The following SPATA17 variants were observed in gnomAD, a reference collection of about 807,000 sequenced individuals.
SPATA17 encodes the protein spermatogenesis associated 17.
Under a neutral mutation model 62.2 loss-of-function variants are expected in SPATA17, and 53 were observed. The observed-to-expected ratio is 0.85, with a 90% CI of 0.68 to 1.07. The LOEUF is 1.07. Ranked by LOEUF, SPATA17 falls within the 50% of genes least tolerant of loss-of-function variation. The probability of loss-of-function intolerance (pLI) is 0.00; values close to 1 mark genes in which losing one functional copy is unlikely to be tolerated. For synonymous variants in SPATA17, 146 were observed against 146.8 expected (o/e 0.99, Z 0.04); for missense variants, 466 against 425.5 (o/e 1.10, Z -0.84).
chr1:217,757,055 T>C (rs915198968), intron 6 of SPATA17, among the ~76,000 whole-genome samples: 11 of 152,150 alleles, frequency 7.2e-5, no homozygotes, highest in African/African-American at 2.7e-4. Flanking sequence ...GGAAGATTCA[T>C]TTACTGGTAT....
chr1:217,714,562 G>C (rs958800614), intron 5 of SPATA17, among the ~76,000 whole-genome samples: 1 of 142,426 alleles, frequency 7.0e-6, no homozygotes, highest in African/African-American at 2.7e-5. Flanking sequence ...TTGGCTCACT[G>C]CAAGCTCCGC....
chr1:217,665,509 A>G (rs976428891), intron 3 of SPATA17: 1 of 152,236 alleles, frequency 6.6e-6, no homozygotes, highest in African/African-American at 2.4e-5. Flanking sequence ...AGAAGACTTG[A>G]CAAAGCCCAG....
chr1:217,705,563 C>A (rs1386109472), intron 5 of SPATA17, among the ~76,000 whole-genome samples: 1 of 149,314 alleles, frequency 6.7e-6, no homozygotes, highest in Non-Finnish European at 1.5e-5. Flanking sequence ...GCCTCAGCCT[C>A]CCAAGTAGCT....
chr1:217,681,055 C>T (rs544727646), intron 4 of SPATA17, among the ~76,000 whole-genome samples: 245 of 151,488 alleles, frequency 1.6e-3, no homozygotes, highest in African/African-American at 5.2e-3. Flanking sequence ...GGTGAAACCC[C>T]GTTTCTACTA....
At chr1:217,713,222 C>A (rs530699198) in intron 5 of SPATA17, among the ~76,000 whole-genome samples, 38 of 151,760 alleles carry the variant, frequency 2.5e-4, no homozygotes, top group African/African-American at 8.9e-4. Context: ...AAGTTTTATT[C>A]CAGTGTGTGT....
At chr1:217,804,637 A>T (rs182324337) in intron 9 of SPATA17, among the ~76,000 whole-genome samples, 1 of 152,338 alleles carries the variant, frequency 6.6e-6, no homozygotes, top group African/African-American at 2.4e-5. Context: ...TGCCAACCAT[A>T]CATTTGATAG....
intron 9 of SPATA17, chr1:217,850,757 G>T: frequency 3.1e-6 from 2 of 650,226 alleles, no homozygotes; most frequent in Non-Finnish European, 4.9e-6. Flanking sequence ...CATACATATA[G>T]TTTTTATTTT....
At chr1:217,753,177 C>G (rs1028650121) in intron 6 of SPATA17, among the ~76,000 whole-genome samples, 5 of 152,072 alleles carry the variant, frequency 3.3e-5, no homozygotes, top group Admixed American at 6.5e-5. Flanking sequence ...AGGGTCCTAC[C>G]CTGTGCCTTG....
chr1:217,736,521 T>C (rs562168719), intron 5 of SPATA17, among the ~76,000 whole-genome samples: 1 of 152,168 alleles, frequency 6.6e-6, no homozygotes, highest in South Asian at 2.1e-4. Context: ...CAGGTTGCTG[T>C]AGAGGAAATC....
intron 9 of SPATA17, among the ~76,000 whole-genome samples, chr1:217,822,073 A>G (rs1674877189): frequency 6.6e-6 from 1 of 152,070 alleles, no homozygotes; most frequent in South Asian, 2.1e-4. Context: ...AGAATTATCT[A>G]CCTAAAATGT....
chr1:217,639,679 T>G (rs1047858790), intron 1 of SPATA17, among the ~76,000 whole-genome samples: 1 of 152,190 alleles, frequency 6.6e-6, no homozygotes, highest in African/African-American at 2.4e-5. Context: ...TTTCTAGATA[T>G]CTCCTTAGGC....
chr1:217,652,505 A>G (rs902640754), intron 3 of SPATA17, among the ~76,000 whole-genome samples: 1 of 152,032 alleles, frequency 6.6e-6, no homozygotes, highest in African/African-American at 2.4e-5. Context: ...AAGTGCTGGG[A>G]TTACAGGTGT....
At chr1:217,700,526 G>T (rs1023365610) in intron 5 of SPATA17, among the ~76,000 whole-genome samples, 19 of 152,052 alleles carry the variant, frequency 1.2e-4, no homozygotes, top group African/African-American at 4.6e-4. Flanking sequence ...CACACCCATA[G>T]TTTTACATAT....
chr1:217,845,664 A>G (rs981954060), intron 9 of SPATA17, among the ~76,000 whole-genome samples: 1 of 152,078 alleles, frequency 6.6e-6, no homozygotes, highest in South Asian at 2.1e-4. Context: ...AATGTGCCCT[A>G]TAAGAAATTC....
intron 6 of SPATA17, among the ~76,000 whole-genome samples, chr1:217,749,969 C>CTATATATATATATA (rs1369070859): frequency 4.3e-5 from 2 of 46,944 alleles, no homozygotes; most frequent in African/African-American, 7.9e-5. Flanking sequence ...CTCTCTCTCT[C>CTATATATATATATA]TCTCTCTCTC....
chr1:217,850,383 A>G, intron 9 of SPATA17: 1 of 986,998 alleles, frequency 1.0e-6, no homozygotes, highest in Non-Finnish European at 1.5e-6. Flanking sequence ...TGAGCACTGC[A>G]AATGCAAGAC....
chr1:217,638,467 C>A (rs1287299008), intron 1 of SPATA17, among the ~76,000 whole-genome samples: 1 of 152,100 alleles, frequency 6.6e-6, no homozygotes, highest in Non-Finnish European at 1.5e-5. Flanking sequence ...AAGACAGATC[C>A]CTATTTGCCA....
chr1:217,779,164 GTGTGTGTGTC>G (rs1202081156), intron 7 of SPATA17, among the ~76,000 whole-genome samples: 1 of 150,828 alleles, frequency 6.6e-6, no homozygotes, highest in South Asian at 2.1e-4. Flanking sequence ...GTGTGTGTGT[GTGTGTGTGTC>G]TGTGTATGGA....
chr1:217,702,930 G>A (rs535068329), intron 5 of SPATA17, among the ~76,000 whole-genome samples: 1 of 151,418 alleles, frequency 6.6e-6, no homozygotes, highest in South Asian at 2.1e-4. Context: ...TGCCCAGGCT[G>A]GAGTGGCGAC....
Sources: gnomAD v4.1 joint callset for allele counts (sites outside exome capture counted in the v4.1 genomes callset) on GRCh38, gnomAD v4.1.1 for gene constraint, MANE v1.5 for transcripts, NCBI Gene and HGNC (gene_info 2026-07-23, HGNC 2026-07-21) for gene names.